Variants in LRP5 observed in about 807,000 individuals in gnomAD.
LRP5 encodes LDL receptor related protein 5, also known as low-density lipoprotein receptor-related protein 5.
In LRP5, 62 loss-of-function variants were observed where a neutral mutation model predicts 154.1. The ratio of observed to expected loss-of-function variants is 0.40; its 90% CI spans 0.33 to 0.50. The LOEUF (loss-of-function observed/expected upper bound fraction) is 0.50, where lower values mean the gene tolerates loss of function less well. LRP5 is among the 20% of genes least tolerant of loss of function. The pLI is 0.55. For synonymous variants in LRP5, 966 were observed against 1,011.5 expected, an observed-to-expected ratio of 0.96 and a Z score of 0.85; for missense variants, 1,915 against 2,336.7, an observed-to-expected ratio of 0.82 and a Z score of 3.72.
upstream of LRP5, among the ~76,000 whole-genome samples, chr11:68,310,925 T>A (rs1268709404): frequency 1.3e-5 from 2 of 151,058 alleles, no homozygotes; most frequent in Non-Finnish European, 2.9e-5. Context: ...GGAAGAAGTG[T>A]GGTTGGAGCA....
chr11:68,389,254 C>T (rs1348779246), intron 6 of LRP5, among the ~76,000 whole-genome samples: 2 of 152,128 alleles, frequency 1.3e-5, no homozygotes, highest in African/African-American at 4.8e-5. Context: ...CTACCAACAC[C>T]GACATTTACC....
intron 1 of LRP5, among the ~76,000 whole-genome samples, chr11:68,317,373 G>A (rs1332880658): frequency 2.6e-5 from 4 of 152,266 alleles, no homozygotes; most frequent in African/African-American, 4.8e-5. Context: ...GTACCCCGAG[G>A]GTGTGACTGA....
chr11:68,359,228 C>T (rs2098625664), intron 3 of LRP5, among the ~76,000 whole-genome samples: 1 of 152,192 alleles, frequency 6.6e-6, no homozygotes, highest in Non-Finnish European at 1.5e-5. Flanking sequence ...GGGCCTCAGT[C>T]ATCTGAAGGT....
intron 1 of LRP5, among the ~76,000 whole-genome samples, chr11:68,322,143 C>T (rs551699852): frequency 1.2e-4 from 19 of 152,352 alleles, no homozygotes; most frequent in African/African-American, 4.3e-4. Context: ...GGCCGTGCTG[C>T]CCTGGCCGCC....
upstream of LRP5, among the ~76,000 whole-genome samples, chr11:68,311,223 C>T (rs1242574174): frequency 6.6e-6 from 1 of 152,152 alleles, no homozygotes; most frequent in Non-Finnish European, 1.5e-5. Context: ...TCCCATTGCT[C>T]GTGGGGTGCA....
chr11:68,352,219 G>T (rs1291257037), intron 2 of LRP5, among the ~76,000 whole-genome samples: 1 of 152,144 alleles, frequency 6.6e-6, no homozygotes, highest in Non-Finnish European at 1.5e-5. Context: ...GGCGAGATTT[G>T]GGATCTGTTC....
intron 2 of LRP5, among the ~76,000 whole-genome samples, chr11:68,352,758 G>A (rs1157255415): frequency 6.7e-6 from 1 of 149,918 alleles, no homozygotes; most frequent in African/African-American, 2.5e-5. Context: ...TCTGCACTTG[G>A]TTGGGAGGTG....
chr11:68,427,651 G>A (rs1159014161), intron 16 of LRP5, among the ~76,000 whole-genome samples: 1 of 151,828 alleles, frequency 6.6e-6, no homozygotes, highest in Non-Finnish European at 1.5e-5. Flanking sequence ...CTGCACTCCA[G>A]CCTAGGCAAT....
At chr11:68,387,099 C>G (rs1335504314) in intron 6 of LRP5, among the ~76,000 whole-genome samples, 3 of 151,354 alleles carry the variant, frequency 2.0e-5, no homozygotes, top group African/African-American at 7.3e-5. Context: ...GACCACAGTA[C>G]AGGCCAGGCC....
Position 68,365,633 on chromosome 11 carries a change from G to A in LRP5, c.946G>A (p.Glu316Lys), listed in dbSNP as rs768757897. Residue 316 changes from glutamate to lysine, a missense_variant, in exon 5 of 23, where the codon GAG becomes AAG. Physicochemically the swap from Glu to Lys is moderately conservative, Grantham distance 56. Coordinates refer to ENST00000294304, the MANE Select transcript of LRP5 (RefSeq NM_002335.4). ...CSHLCLLSPS[E>K]PFYTCACPTG... ...CCACCTGTGCCTGCTGTCCCCAAGCGAGCCTTTCTACACATGCGCCTGCCC... is the reference window on the plus strand; with the variant it reads ...CCACCTGTGCCTGCTGTCCCCAAGCAAGCCTTTCTACACATGCGCCTGCCC... 37 of 1,612,338 alleles carry A rather than the reference G, an allele frequency of 2.3e-5. No individual in the cohort carries two copies. The highest frequency in any genetic ancestry group is 2.9e-5 in the Non-Finnish European group (34 of 1,179,230).
intron 5 of LRP5, among the ~76,000 whole-genome samples, chr11:68,377,855 GC>G (rs2098638194): frequency 0.099 from 56 of 566 alleles, 2 homozygotes; most frequent in Admixed American, 0.43. Flanking sequence ...CTGGATCTCA[GC>G]TTTCCCCGGA....
chr11:68,374,690 C>T (rs1294974861), intron 5 of LRP5, among the ~76,000 whole-genome samples: 2 of 152,186 alleles, frequency 1.3e-5, no homozygotes, highest in Non-Finnish European at 2.9e-5. Flanking sequence ...CAACCCCCGC[C>T]CCCTCCACCA....
rs573199747 is a variant in LRP5 at position 68,409,805 on chromosome 11, G to A, written c.2092-109G>A. On this transcript the variant is annotated intron_variant, in intron 9 of 22. Coordinates refer to ENST00000294304, the MANE Select transcript of LRP5 (RefSeq NM_002335.4). The stretch of plus-strand genomic sequence containing the variant: ...GCAGAGGTTGCAGTGAGCCGAGATC[G>A]CACCATTGCACTCCAGGCTGGGCAA... 3.3e-5 allele frequency: 28 copies of A among 846,384 alleles called. 2 individuals are homozygous for A. In the Admixed American group the frequency reaches 4.2e-4, roughly 13 times the overall value. 52.4% of individuals were successfully genotyped at this position (846,384 alleles called of 1,614,324 possible).
chr11:68,312,593 C>T lies in LRP5; in HGVS notation c.-122C>T, dbSNP rs983937228. 1 of 248,004 alleles carries T rather than the reference C, an allele frequency of 4.0e-6. No individual in the cohort carries two copies. Among genetic ancestry groups the T allele is most frequent in the Non-Finnish European group, 6.4e-6 (1 of 157,082 alleles). 15.4% of individuals were successfully genotyped at this position (248,004 alleles called of 1,614,324 possible). A position where few individuals can be genotyped will look rare whatever the true frequency, so the allele number is the denominator to read the frequency against. The stretch of plus-strand genomic sequence containing the variant: ...GCGCGCCCAGCTCCCTCCTCCCCGT[C>T]GTCCTGGTCCGCGGCGCCCGAGGGG... On this transcript the variant is annotated 5_prime_UTR_variant, in exon 1 of 23. Coordinates refer to ENST00000294304, the MANE Select transcript of LRP5 (RefSeq NM_002335.4).
rs778882996 is a variant in LRP5 at position 68,438,658 on chromosome 11, G to T, written c.4324G>T (p.Gly1442Cys). The change falls in exon 20 of 23, where the codon GGT becomes TGT. Residue 1442 changes from glycine (G) to cysteine (C), a missense_variant. Gly to Cys is a radical substitution (Grantham distance 159, BLOSUM62 -3). This residue lies in a region of LRP5 where 1,094 missense variants were observed against 1,210.1 expected (regional missense o/e 0.90). Coordinates refer to ENST00000294304, the MANE Select transcript of LRP5 (RefSeq NM_002335.4). The part of the protein sequence containing the change: ...HVPLNFIAPG[G>C]SQHGPFTGIA... ...GCCCCTCAATTTCATAGCCCCGGGC[G>T]GTTCCCAGCATGGCCCCTTCACAGG... 1.9e-6 allele frequency: 3 copies of T among 1,612,922 alleles called. No individual in the cohort carries two copies. The African/African-American group carries it at 4.0e-5, about 22-fold the overall frequency.
chr11:68,352,450 C>G (rs2098619495), intron 2 of LRP5, among the ~76,000 whole-genome samples: 1 of 152,192 alleles, frequency 6.6e-6, no homozygotes, highest in Non-Finnish European at 1.5e-5. Context: ...CACCAGAAGT[C>G]CAGTCTCCAT....
chr11:68,322,282 T>C (rs1432826691), intron 1 of LRP5, among the ~76,000 whole-genome samples: 2 of 152,184 alleles, frequency 1.3e-5, no homozygotes, highest in Non-Finnish European at 2.9e-5. Flanking sequence ...AGGCTTTACC[T>C]ACAGGCCCTG....
At chr11:68,332,122 G>A (rs1342302423) in intron 1 of LRP5, among the ~76,000 whole-genome samples, 6 of 151,896 alleles carry the variant, frequency 4.0e-5, no homozygotes, top group Admixed American at 2.6e-4. Context: ...CCTTCCTTTT[G>A]TCTGCCCCTG....
At chr11:68,396,190 G>T (rs1468602104) in intron 7 of LRP5, among the ~76,000 whole-genome samples, 1 of 152,160 alleles carries the variant, frequency 6.6e-6, no homozygotes, top group African/African-American at 2.4e-5. Flanking sequence ...AGGTGGAAGG[G>T]ATGGTTGGGG....
Sources: gnomAD v4.1 joint callset for allele counts (sites outside exome capture counted in the v4.1 genomes callset) on GRCh38, gnomAD v4.1.1 for gene constraint, gnomAD v4.1.1 regional missense constraint, MANE v1.5 for transcripts, NCBI Gene and HGNC (gene_info 2026-07-23, HGNC 2026-07-21) for gene names.